NRXN2: variants seen among roughly 807,000 people sequenced by gnomAD.
NRXN2 encodes neurexin 2.
Under a neutral mutation model 128.8 loss-of-function variants are expected in NRXN2, and 29 were observed. The ratio of observed to expected loss-of-function variants is 0.23; its 90% CI spans 0.17 to 0.31. NRXN2 has a LOEUF of 0.31. Among genes scored for constraint, NRXN2 ranks in the 10% least tolerant of loss-of-function variants. The pLI is 1.00. For missense variants in NRXN2, 1,881 were observed against 2,452.6 expected (o/e 0.77, Z 4.92); for synonymous variants, 1,098 against 1,075.2 (o/e 1.02, Z -0.41).
rs749272420 is a variant in NRXN2, at chr11:64,626,467, G to A, written c.3843C>T (p.Asp1281=). The A allele has an allele frequency of 1.9e-6, 3 of 1,608,410 alleles. No individual in the cohort carries two copies. Among genetic ancestry groups the A allele is most frequent in the Non-Finnish European group, 1.7e-6 (2 of 1,174,830 alleles). ...TAATTAATTCTGGTTAATTACCTTTGTCGAGCAGCCACTCATCTACTACTC... is the reference window on the plus strand; with the variant it reads ...TAATTAATTCTGGTTAATTACCTTTATCGAGCAGCCACTCATCTACTACTC... ...LGRVVDEWLL[D]KGRQLTIFNS... is the part of the protein sequence containing the mutation. The change falls in exon 20 of 23, where the codon GAC becomes GAT. Residue 1281 remains aspartate, a synonymous_variant. Coordinates refer to ENST00000265459, the MANE Select transcript of NRXN2 (RefSeq NM_015080.4).
At position 64,667,405 on chromosome 11, in the gene NRXN2, G is replaced by A; in HGVS notation, c.1643C>T (p.Ala548Val). Residue 548 changes from alanine (A) to valine (V), a missense_variant, in exon 9 of 23, where the codon GCT becomes GTT. Around this residue, in one of 7 missense-constraint regions of NRXN2, gnomAD observed 997 missense variants for 1,240.8 expected, o/e 0.80. Transcript: ENST00000265459. This position sits in a 1 kb window ranked among gnomAD's most constrained non-coding sequence, Gnocchi z 5.6. ...CATGGCAAAGTAGTCGGCCCGCTGA[G>A]CAGAGCTGTGGCTGCCAGCTCCACC... ...AGGGAGSHSS[A>V]QRADYFAMEL... 1 of 1,614,222 alleles carries A rather than the reference G, an allele frequency of 6.2e-7. No individual in the cohort carries two copies. The highest frequency in any genetic ancestry group is 8.5e-7 in the Non-Finnish European group (1 of 1,180,046).
chr11:64,713,730 C>T lies in NRXN2; in HGVS notation c.-31G>A, dbSNP rs1035630091. 2.3e-5 allele frequency: 24 copies of T among 1,032,830 alleles called. No homozygotes were observed. The African/African-American group carries it at 4.1e-4, about 18-fold the overall frequency. The allele number at this position is 1,032,830 out of a possible 1,614,324, so 64.0% of individuals were successfully genotyped here. A position where few individuals can be genotyped will look rare whatever the true frequency, so the allele number is the denominator to read the frequency against. ...CGGCGGCCCCGGCCCCGCCCGGCCC[C>T]CGGCCCCCGCTCAGGCTTCAGAGCC... On this transcript the variant is annotated 5_prime_UTR_variant, in exon 2 of 23. Transcript: ENST00000265459.
At chr11:64,621,206 C>T (rs1373720617) in intron 21 of NRXN2, among the ~76,000 whole-genome samples, 1 of 152,140 alleles carries the variant, frequency 6.6e-6, no homozygotes, top group East Asian at 1.9e-4. Context: ...GCCTGGAGGA[C>T]CCAGCTCCCT....
Position 64,648,334 on chromosome 11 carries a change from G to A in NRXN2, c.3288C>T (p.Pro1096=), listed in dbSNP as rs1264813306. ...IGQVERGCDG[P]STTCTEESCA... is the part of the protein sequence containing the mutation. ...AGGACTCTTCAGTGCAGGTGGTGCT[G>A]GGGCCTGGAAGGGGCAGGAGAAAGG... The change falls in exon 17 of 23, where the codon CCC becomes CCT. Residue 1096 remains proline, a synonymous_variant. Coordinates refer to ENST00000265459, the MANE Select transcript of NRXN2 (RefSeq NM_015080.4). This position sits in a 1 kb window ranked among gnomAD's most constrained non-coding sequence, Gnocchi z 4.1. The A allele has an allele frequency of 2.5e-6, 4 of 1,614,102 alleles. No homozygotes were observed. Among genetic ancestry groups the A allele is most frequent in the South Asian group, 1.1e-5 (1 of 91,092 alleles).
intron 1 of NRXN2, among the ~76,000 whole-genome samples, chr11:64,720,190 G>A (rs1462657656): frequency 6.6e-6 from 1 of 152,208 alleles, no homozygotes; most frequent in Admixed American, 6.5e-5. Flanking sequence ...GGTGGCAGTG[G>A]GGAAGCAGCT....
intron 4 of NRXN2, 115 bp from the exon 5 acceptor site, chr11:64,690,591 G>A: frequency 1.1e-6 from 1 of 914,438 alleles, no homozygotes; most frequent in South Asian, 1.4e-5. Flanking sequence ...ACGGACAGGG[G>A]AGGAGAGGCT....
chr11:64,642,661 G>A, intron 17 of NRXN2: 1 of 1,580,714 alleles, frequency 6.3e-7, no homozygotes, highest in Non-Finnish European at 8.6e-7. Flanking sequence ...GGCCCCCTCG[G>A]CCGCCCCCAG....
intron 11 of NRXN2, among the ~76,000 whole-genome samples, chr11:64,655,269 G>T (rs1380109739): frequency 6.6e-6 from 1 of 152,234 alleles, no homozygotes; most frequent in Non-Finnish European, 1.5e-5. Context: ...GCCACAGCCT[G>T]GCACCAAGGG....
chr11:64,617,005 T>C (rs982852450), intron 22 of NRXN2, among the ~76,000 whole-genome samples: 2 of 152,200 alleles, frequency 1.3e-5, no homozygotes, highest in Non-Finnish European at 2.9e-5. Context: ...GCTATGCATG[T>C]GTGCATGAGT....
At chr11:64,638,777 G>T (rs1486463919) in intron 17 of NRXN2, among the ~76,000 whole-genome samples, 2 of 152,178 alleles carry the variant, frequency 1.3e-5, no homozygotes, top group Non-Finnish European at 2.9e-5. Flanking sequence ...CCTAAGGCAA[G>T]AAAGCCTCTG....
intron 17 of NRXN2, among the ~76,000 whole-genome samples, chr11:64,639,229 T>C (rs1256550642): frequency 6.6e-6 from 1 of 152,084 alleles, no homozygotes; most frequent in African/African-American, 2.4e-5. Flanking sequence ...ACATCCCAGA[T>C]AGAGAGATCT....
chr11:64,680,588 A>T (rs912851666), intron 6 of NRXN2, among the ~76,000 whole-genome samples: 1 of 152,222 alleles, frequency 6.6e-6, no homozygotes, highest in African/African-American at 2.4e-5. Flanking sequence ...AACCTTCTGC[A>T]TCTTGTTTTT....
chr11:64,713,700 GC>G lies in NRXN2; in HGVS notation c.-2del. 6.4e-6 allele frequency: 7 copies of G among 1,094,002 alleles called. No individual in the cohort carries two copies. Among genetic ancestry groups the G allele is most frequent in the Non-Finnish European group, 7.8e-6 (7 of 902,390 alleles). 67.8% of individuals were successfully genotyped at this position (1,094,002 alleles called of 1,614,324 possible). A position where few individuals can be genotyped will look rare whatever the true frequency, so the allele number is the denominator to read the frequency against. On this transcript the variant is annotated 5_prime_UTR_variant, in exon 2 of 23. Coordinates refer to ENST00000265459, the MANE Select transcript of NRXN2 (RefSeq NM_015080.4). ...GCCGCCACCGGCTCCCGGACGCCAT[GC>G]CTACGGCGGCCCCGGCCCCGCCCGG...
At position 64,622,280 on chromosome 11, in the gene NRXN2, T is replaced by C. The variant is rs754738052; in HGVS notation, c.4173+473A>G. The stretch of plus-strand genomic sequence containing the variant: ...CCAGCCTCTGGAGAGGGGCTGCCCA[T>C]GCCAGGTGACTGCATCCAGCCCTCC... On this transcript the variant is annotated intron_variant, in intron 21 of 22. Transcript: ENST00000265459. The surrounding 1 kb of genome is among the most constrained non-coding windows in gnomAD (Gnocchi z 4.3). 3.9e-5 allele frequency among the ~76,000 whole-genome samples: 6 copies of C among 152,122 alleles called. No homozygotes were observed. Among genetic ancestry groups the C allele is most frequent in the Non-Finnish European group, 7.4e-5 (5 of 68,002 alleles).
At chr11:64,652,989 C>T (rs1348819298) in intron 12 of NRXN2, among the ~76,000 whole-genome samples, 2 of 151,982 alleles carry the variant, frequency 1.3e-5, no homozygotes, top group Admixed American at 6.5e-5. Context: ...AGCAGGGCGC[C>T]CAGCACACAC....
rs779741694 is a variant in NRXN2, at chr11:64,660,810, T to C, written c.2128A>G (p.Asn710Asp). 1.5e-5 allele frequency: 24 copies of C among 1,613,870 alleles called. No homozygotes were observed. The stretch of plus-strand genomic sequence containing the variant: ...CCGATGCAGTCACAGATGAAGCGGT[T>C]CCAGCCTTCTCGACAGACGCCCCCA... ...RNGGVCREGWNRFICDCIGTG... is the reference protein window; with the variant it reads ...RNGGVCREGWDRFICDCIGTG... The change falls in exon 10 of 23, where the codon AAC becomes GAC. Residue 710 changes from asparagine (N) to aspartate (D), a missense_variant. This residue lies in a region of NRXN2 where 997 missense variants were observed against 1,240.8 expected (regional missense o/e 0.80). Transcript: ENST00000265459. The surrounding 1 kb of genome is among the most constrained non-coding windows in gnomAD (Gnocchi z 5.2).
chr11:64,616,508 C>T (rs1353380189), intron 22 of NRXN2, among the ~76,000 whole-genome samples: 1 of 152,132 alleles, frequency 6.6e-6, no homozygotes, highest in Non-Finnish European at 1.5e-5. Flanking sequence ...GTGTGTTACA[C>T]AGGTGGATCT....
Position 64,714,237 on chromosome 11 carries a change from C to T in NRXN2, c.-244-294G>A, listed in dbSNP as rs1406999150. Among the ~76,000 whole-genome samples the T allele has an allele frequency of 6.6e-6, 1 of 152,068 alleles. No homozygotes were observed. Among genetic ancestry groups the T allele is most frequent in the Non-Finnish European group, 1.5e-5 (1 of 68,012 alleles). On this transcript the variant is annotated intron_variant, in intron 1 of 22. Transcript: ENST00000265459. The surrounding 1 kb of genome is among the most constrained non-coding windows in gnomAD (Gnocchi z 4.5). ...CAACCTCAGCCCGCTCCCTCACCCTCTCAAAGGACCCCAGTGTCAGGAAGG... is the reference window on the plus strand; with the variant it reads ...CAACCTCAGCCCGCTCCCTCACCCTTTCAAAGGACCCCAGTGTCAGGAAGG...
chr11:64,635,455 G>A lies in NRXN2; in HGVS notation c.3404-3C>T. On this transcript the variant is annotated splice_polypyrimidine_tract_variant and splice_region_variant and intron_variant, in intron 17 of 22. Transcript: ENST00000265459. The surrounding 1 kb of genome is among the most constrained non-coding windows in gnomAD (Gnocchi z 4.8). ...CCCAAAGATGTATGTGGTCCCGGCT[G>A]CAGAGAGAAGGAAAGGGAGACAAGA... 6.2e-7 allele frequency: 1 copy of A among 1,613,684 alleles called. No individual in the cohort carries two copies. The highest frequency in any genetic ancestry group is 8.5e-7 in the Non-Finnish European group (1 of 1,179,982).
Sources: allele counts gnomAD v4.1 joint callset (sites outside exome capture counted in the v4.1 genomes callset), GRCh38; gene constraint gnomAD v4.1.1; regional missense constraint gnomAD v4.1.1; non-coding constraint Gnocchi (gnomAD v3.1); transcripts MANE v1.5; gene names NCBI Gene and HGNC (gene_info 2026-07-23, HGNC 2026-07-21).